The following SAMD12 variants were observed in gnomAD, a reference collection of about 807,000 sequenced individuals.
SAMD12 encodes the protein sterile alpha motif domain-containing protein 12.
SAMD12 carries 9 observed loss-of-function variants against 15.0 expected under a neutral mutation model. That is an observed-to-expected ratio of 0.60 (90% CI 0.36 to 1.05). The LOEUF (loss-of-function observed/expected upper bound fraction) is 1.05, where lower values mean the gene tolerates loss of function less well. SAMD12 is among the 50% of genes least tolerant of loss of function. The pLI, the probability that SAMD12 is intolerant of heterozygous loss-of-function variation, is 0.01. For synonymous variants in SAMD12, 86 were observed against 90.1 expected (o/e 0.96, Z 0.25); for missense variants, 230 against 234.2 (o/e 0.98, Z 0.12).
At chr8:118,154,564 C>G in the SAMD12 span, among the ~76,000 whole-genome samples, 1 of 152,148 alleles carries the variant, frequency 6.6e-6, no homozygotes, top group South Asian at 2.1e-4. Flanking sequence ...CTGCACAAAG[C>G]AGAAAAGTTT....
chr8:118,292,202 C>T (rs1563738533), intron 4 of SAMD12, among the ~76,000 whole-genome samples: 1 of 151,308 alleles, frequency 6.6e-6, no homozygotes, highest in African/African-American at 2.4e-5. Context: ...GTGTAAACTG[C>T]TTGGGTGATG....
intron 2 of SAMD12, among the ~76,000 whole-genome samples, chr8:118,567,701 C>G (rs964952107): frequency 2.6e-4 from 39 of 152,260 alleles, no homozygotes; most frequent in African/African-American, 9.4e-4. Context: ...TTGTGGCAAC[C>G]CTGAGCTTAT....
At chr8:118,366,895 A>G (rs1456475252) in intron 4 of SAMD12, among the ~76,000 whole-genome samples, 1 of 93,872 alleles carries the variant, frequency 1.1e-5, no homozygotes, top group Non-Finnish European at 2.3e-5. Context: ...AAAATAAAAT[A>G]AAATAAAATA....
chr8:118,240,666 T>A (rs576653296), intron 4 of SAMD12, among the ~76,000 whole-genome samples: 1 of 152,188 alleles, frequency 6.6e-6, no homozygotes, highest in Admixed American at 6.5e-5. Context: ...ATTGTTATTA[T>A]AATCTTTTGA....
chr8:118,307,240 G>A (rs1045317827), intron 4 of SAMD12, among the ~76,000 whole-genome samples: 6 of 152,306 alleles, frequency 3.9e-5, no homozygotes, highest in Admixed American at 3.9e-4. Context: ...TCAAGTGGGT[G>A]TCAATTAGAA....
chr8:118,309,941 T>C (rs776252650), intron 4 of SAMD12, among the ~76,000 whole-genome samples: 15 of 152,222 alleles, frequency 9.9e-5, no homozygotes, highest in Non-Finnish European at 2.1e-4. Flanking sequence ...ACATACTCTC[T>C]GGTTGCAGAG....
At chr8:118,618,036 T>A (rs927855880) in intron 1 of SAMD12, among the ~76,000 whole-genome samples, 9 of 150,450 alleles carry the variant, frequency 6.0e-5, no homozygotes, top group Non-Finnish European at 1.2e-4. Context: ...TTGTTTTTTT[T>A]TTTTTTAAAA....
At chr8:118,162,988 G>C in the SAMD12 span, among the ~76,000 whole-genome samples, 10 of 152,276 alleles carry the variant, frequency 6.6e-5, no homozygotes, top group Non-Finnish European at 2.9e-5. Context: ...AAGGATATTA[G>C]AGACCAAAAC....
chr8:118,371,703 A>G (rs899710929), intron 4 of SAMD12, among the ~76,000 whole-genome samples: 6 of 152,150 alleles, frequency 3.9e-5, no homozygotes, highest in African/African-American at 1.2e-4. Flanking sequence ...CATCTTTTAG[A>G]GAGAGAAAAA....
intron 3 of SAMD12, among the ~76,000 whole-genome samples, chr8:118,391,906 T>C (rs1040824070): frequency 6.7e-6 from 1 of 150,124 alleles, no homozygotes; most frequent in Non-Finnish European, 1.5e-5. Flanking sequence ...GCCATGACCA[T>C]GAAGACCATG....
At chr8:118,448,239 C>G (rs1313783295) in intron 2 of SAMD12, among the ~76,000 whole-genome samples, 1 of 152,196 alleles carries the variant, frequency 6.6e-6, no homozygotes, top group Non-Finnish European at 1.5e-5. Flanking sequence ...CTATCCTGAT[C>G]TCCCTGTTTA....
At chr8:118,398,570 AAGAG>A (rs1317389957) in intron 3 of SAMD12, among the ~76,000 whole-genome samples, 4 of 152,186 alleles carry the variant, frequency 2.6e-5, no homozygotes, top group Admixed American at 6.5e-5. Flanking sequence ...TTTGGAAAGA[AAGAG>A]AATCTTTCCT....
chr8:118,568,395 G>T (rs533670689), intron 2 of SAMD12, among the ~76,000 whole-genome samples: 1 of 152,194 alleles, frequency 6.6e-6, no homozygotes, highest in East Asian at 1.9e-4. Context: ...GATCATGCAG[G>T]ATCTGGTAGG....
the SAMD12 span, among the ~76,000 whole-genome samples, chr8:118,136,185 A>G: frequency 2.0e-5 from 3 of 152,110 alleles, no homozygotes; most frequent in South Asian, 6.2e-4. Flanking sequence ...GTGTGCCACC[A>G]CACCTGGCTA....
intron 4 of SAMD12, among the ~76,000 whole-genome samples, chr8:118,261,226 C>T (rs920608199): frequency 2.6e-5 from 4 of 152,070 alleles, no homozygotes; most frequent in African/African-American, 9.7e-5. Flanking sequence ...CACTGCTGTA[C>T]TTTGTCATTT....
chr8:118,156,788 G>A, the SAMD12 span, among the ~76,000 whole-genome samples: 1 of 152,128 alleles, frequency 6.6e-6, no homozygotes, highest in Non-Finnish European at 1.5e-5. Flanking sequence ...CTTTGCTAAA[G>A]GGTTCTGAGT....
chr8:118,535,514 T>C (rs1234732421), intron 2 of SAMD12, among the ~76,000 whole-genome samples: 18 of 152,204 alleles, frequency 1.2e-4, no homozygotes, highest in Admixed American at 1.2e-3. Flanking sequence ...AGTTTCTGCT[T>C]CCTTTTGTTC....
chr8:118,506,345 A>C (rs1824918789), intron 2 of SAMD12, among the ~76,000 whole-genome samples: 1 of 152,170 alleles, frequency 6.6e-6, no homozygotes, highest in African/African-American at 2.4e-5. Flanking sequence ...TAGAACTCCT[A>C]CCTGGCTCTG....
intron 2 of SAMD12, among the ~76,000 whole-genome samples, chr8:118,545,722 G>A (rs148154778): frequency 6.6e-6 from 1 of 152,274 alleles, no homozygotes; most frequent in Non-Finnish European, 1.5e-5. Flanking sequence ...ATCATAATAT[G>A]CAAGCAACTG....
Sources: allele counts gnomAD v4.1 joint callset (sites outside exome capture counted in the v4.1 genomes callset), GRCh38; gene constraint gnomAD v4.1.1; transcripts MANE v1.5; gene names NCBI Gene and HGNC (gene_info 2026-07-23, HGNC 2026-07-21).